Variants in STK10 observed in about 807,000 individuals in gnomAD.
STK10 encodes the protein serine/threonine kinase 10.
STK10 carries 78 observed loss-of-function variants against 113.8 expected under a neutral mutation model. That is an observed-to-expected ratio of 0.69 (90% CI 0.57 to 0.83). The LOEUF (loss-of-function observed/expected upper bound fraction) is 0.83. Among genes scored for constraint, STK10 ranks in the 40% least tolerant of loss-of-function variants. STK10 has a pLI of 0.00. For missense variants in STK10, 1,109 were observed against 1,280.1 expected (o/e 0.87, Z 2.04); for synonymous variants, 465 against 494.7 (o/e 0.94, Z 0.80).
In STK10 at chr5:172,170,070, T is replaced by C. The variant is rs570389061; in HGVS notation, c.157-13282A>G. Among the ~76,000 whole-genome samples the C allele has an allele frequency of 2.0e-5, 3 of 152,296 alleles. No homozygotes were observed. The East Asian group carries it at 5.8e-4, about 29-fold the overall frequency. On this transcript the variant is annotated intron_variant, in intron 1 of 18. Coordinates refer to ENST00000176763, the MANE Select transcript of STK10 (RefSeq NM_005990.4). Reference sequence around the variant, plus strand: ...TGAAAGCCTAAAAACATGTTTATTTTGTTCACCAATGTATCTATTACTCTG... The same window carrying C: ...TGAAAGCCTAAAAACATGTTTATTTCGTTCACCAATGTATCTATTACTCTG...
chr5:172,042,443 T>C lies in STK10; in HGVS notation c.*2439A>G, dbSNP rs1767397967. 1 of 152,618 alleles carries C rather than the reference T, an allele frequency of 6.6e-6. No homozygotes were observed. The highest frequency in any genetic ancestry group is 2.1e-4 in the South Asian group (1 of 4,824). The allele number at this position is 152,618 out of a possible 1,614,324, so 9.5% of individuals were successfully genotyped here. A position where few individuals can be genotyped will look rare whatever the true frequency, so the allele number is the denominator to read the frequency against. The stretch of plus-strand genomic sequence containing the variant: ...CACTGAGCGGGGACGCGGCAACTCC[T>C]TGAAGGGCAAAAGTGATGTGAAGGA... On this transcript the variant is annotated 3_prime_UTR_variant, in exon 19 of 19. Coordinates refer to ENST00000176763, the MANE Select transcript of STK10 (RefSeq NM_005990.4).
At chr5:172,069,078 T>C (rs1032814257) in intron 12 of STK10, among the ~76,000 whole-genome samples, 2 of 151,522 alleles carry the variant, frequency 1.3e-5, no homozygotes, top group African/African-American at 4.9e-5. Flanking sequence ...ACACATAAAA[T>C]ATAAACTAAT....
Position 172,097,544 on chromosome 5 carries a change from G to T in STK10, c.871-984C>A, listed in dbSNP as rs558538574. Among the ~76,000 whole-genome samples the T allele has an allele frequency of 5.3e-5, 8 of 152,314 alleles. No homozygotes were observed. In the South Asian group the frequency reaches 1.7e-3, roughly 32 times the overall value. On this transcript the variant is annotated intron_variant, in intron 7 of 18. Transcript: ENST00000176763. Reference sequence around the variant, plus strand: ...TTCGCGTTGGCTTCCTTTACTCAGCGTCATGACTGTGAGATTCACCTACAT... The same window carrying T: ...TTCGCGTTGGCTTCCTTTACTCAGCTTCATGACTGTGAGATTCACCTACAT...
intron 6 of STK10, 55 bp from the exon 7 acceptor site, chr5:172,105,792 C>T: frequency 6.6e-7 from 1 of 1,515,850 alleles, no homozygotes; most frequent in Non-Finnish European, 9.2e-7. Context: ...AGAGAGAAGC[C>T]CCCCACGTCA....
At chr5:172,145,794 C>T (rs1230286304) in intron 2 of STK10, among the ~76,000 whole-genome samples, 2 of 152,170 alleles carry the variant, frequency 1.3e-5, no homozygotes, top group Non-Finnish European at 2.9e-5. Context: ...CACATGGGAT[C>T]ACACAGGGAA....
At chr5:172,144,502 A>G (rs1251321135) in intron 2 of STK10, among the ~76,000 whole-genome samples, 1 of 152,168 alleles carries the variant, frequency 6.6e-6, no homozygotes, top group Non-Finnish European at 1.5e-5. Context: ...TGTCCTTAGC[A>G]TATCTGCAGC....
intron 4 of STK10, 55 bp from the exon 5 acceptor site, chr5:172,107,907 C>T (rs1402874966): frequency 7.8e-6 from 12 of 1,542,044 alleles, no homozygotes; most frequent in Admixed American, 6.7e-5. Context: ...GGGTAAAAGC[C>T]GGGGATGTGG....
chr5:172,087,088 G>A (rs1768578528), intron 10 of STK10, among the ~76,000 whole-genome samples: 2 of 144,200 alleles, frequency 1.4e-5, no homozygotes, highest in South Asian at 2.2e-4. Flanking sequence ...CTAGCCTCCC[G>A]ACCCACACAG....
At chr5:172,112,908 G>A (rs1386507240) in intron 4 of STK10, among the ~76,000 whole-genome samples, 11 of 151,810 alleles carry the variant, frequency 7.2e-5, no homozygotes, top group Middle Eastern at 3.2e-3. Flanking sequence ...CACCACGCCC[G>A]GCTAATTTTG....
At position 172,042,606 on chromosome 5, in the gene STK10, A is replaced by G. The variant is rs6555986; in HGVS notation, c.*2276T>C. On this transcript the variant is annotated 3_prime_UTR_variant, in exon 19 of 19. Coordinates refer to ENST00000176763, the MANE Select transcript of STK10 (RefSeq NM_005990.4). Reference sequence around the variant, plus strand: ...AAGCAGCCCTGTCTGGTGGTTCCCAACGCTGGCCTGGCCTGGTAGAACTGG... The same window carrying G: ...AAGCAGCCCTGTCTGGTGGTTCCCAGCGCTGGCCTGGCCTGGTAGAACTGG... 26,000 of 152,082 alleles carry G rather than the reference A, an allele frequency of 0.17. 4,178 individuals carry two copies. The highest frequency in any genetic ancestry group is 0.43 in the African/African-American group (17,779 of 41,308). 9.4% of individuals were successfully genotyped at this position (152,082 alleles called of 1,614,324 possible).
chr5:172,159,373 T>C (rs1770420155), intron 1 of STK10, among the ~76,000 whole-genome samples: 1 of 151,880 alleles, frequency 6.6e-6, no homozygotes, highest in South Asian at 2.1e-4. Flanking sequence ...ATCCCGCCTC[T>C]ACAAAAAAAA....
chr5:172,067,492 G>C (rs529331813), intron 12 of STK10, among the ~76,000 whole-genome samples: 9 of 151,600 alleles, frequency 5.9e-5, no homozygotes, highest in Admixed American at 2.6e-4. Context: ...AAAGAAAAAG[G>C]CAATCAATAG....
chr5:172,125,414 T>C (rs1769599565), intron 3 of STK10, among the ~76,000 whole-genome samples: 1 of 151,664 alleles, frequency 6.6e-6, no homozygotes, highest in Non-Finnish European at 1.5e-5. Flanking sequence ...AGATGGAGTC[T>C]CACTCTGTCG....
intron 10 of STK10, among the ~76,000 whole-genome samples, chr5:172,087,623 A>ATTTTTTTTTT (rs1203616701): frequency 2.3e-5 from 2 of 85,186 alleles, no homozygotes; most frequent in African/African-American, 1.2e-4. Context: ...TTACTTATTT[A>ATTTTTTTTTT]TTTTTTTTTT....
At chr5:172,102,010 T>C (rs1291447095) in intron 7 of STK10, among the ~76,000 whole-genome samples, 2 of 152,014 alleles carry the variant, frequency 1.3e-5, no homozygotes, top group Non-Finnish European at 2.9e-5. Context: ...GCCCTGAGAC[T>C]CTGGGTTTTC....
Position 172,107,871 on chromosome 5 carries a change from G to C in STK10, c.521-19C>G. 1 of 1,613,716 alleles carries C rather than the reference G, an allele frequency of 6.2e-7. No homozygotes were observed. Among genetic ancestry groups the C allele is most frequent in the African/African-American group, 1.3e-5 (1 of 75,036 alleles). On this transcript the variant is annotated intron_variant, in intron 4 of 18. Transcript: ENST00000176763. ...AAGTCAGCTGCAAGACAAAATCTCA[G>C]CTAGCGTTTTCCACCCATAGCCCTG...
intron 14 of STK10, among the ~76,000 whole-genome samples, chr5:172,059,224 C>T (rs564244438): frequency 2.6e-5 from 4 of 152,062 alleles, no homozygotes; most frequent in East Asian, 3.9e-4. Context: ...AGTTCAAGAC[C>T]GGCCTGGCCA....
chr5:172,149,906 G>T (rs1399118414), intron 2 of STK10, among the ~76,000 whole-genome samples: 1 of 151,938 alleles, frequency 6.6e-6, no homozygotes, highest in African/African-American at 2.4e-5. Context: ...AATTAGCTGG[G>T]TGTGGTGGCA....
chr5:172,078,080 T>C (rs1768352204), intron 12 of STK10, among the ~76,000 whole-genome samples: 1 of 152,144 alleles, frequency 6.6e-6, no homozygotes, highest in African/African-American at 2.4e-5. Context: ...AGACCTCCCA[T>C]TCCTACTTGG....
Sources: allele counts gnomAD v4.1 joint callset (sites outside exome capture counted in the v4.1 genomes callset), GRCh38; gene constraint gnomAD v4.1.1; transcripts MANE v1.5; gene names NCBI Gene and HGNC (gene_info 2026-07-23, HGNC 2026-07-21).